TMEM41B: variants seen among roughly 807,000 people sequenced by gnomAD.
TMEM41B encodes the protein transmembrane protein 41B.
A neutral mutation model predicts 31.9 loss-of-function variants in TMEM41B; 18 were observed. The observed-to-expected ratio is 0.56, with a 90% CI of 0.39 to 0.84. TMEM41B has a LOEUF of 0.84. TMEM41B is among the 40% of genes least tolerant of loss of function. The pLI, the probability that TMEM41B is intolerant of heterozygous loss-of-function variation, is 0.00. For synonymous variants in TMEM41B, 144 were observed against 124.3 expected (o/e 1.16, Z -1.05); for missense variants, 322 against 348.0 (o/e 0.93, Z 0.59).
At chr11:9,293,505 C>T (rs1853005738) in intron 3 of TMEM41B, among the ~76,000 whole-genome samples, 1 of 152,170 alleles carries the variant, frequency 6.6e-6, no homozygotes, top group Admixed American at 6.5e-5. Flanking sequence ...TACTATTTTG[C>T]CCTTTGTTCT....
intron 1 of TMEM41B, among the ~76,000 whole-genome samples, chr11:9,308,045 T>C (rs1193800364): frequency 6.6e-6 from 1 of 150,890 alleles, no homozygotes; most frequent in East Asian, 2.0e-4. Flanking sequence ...CTTAAAATCA[T>C]TTTTTAAAAA....
chr11:9,288,317 T>G (rs2133612641), intron 4 of TMEM41B, 125 bp downstream of exon 4: 1 of 660,814 alleles, frequency 1.5e-6, no homozygotes, highest in South Asian at 2.8e-5. Context: ...TGGAGGGACT[T>G]TAACATTAAC....
At chr11:9,285,369 C>G (rs1263428467) in intron 6 of TMEM41B, among the ~76,000 whole-genome samples, 1 of 152,138 alleles carries the variant, frequency 6.6e-6, no homozygotes, top group Non-Finnish European at 1.5e-5. Context: ...AGGCGTGAAC[C>G]ACCGCGCCCG....
chr11:9,291,568 ATTT>A (rs1312615801), intron 3 of TMEM41B, among the ~76,000 whole-genome samples: 1 of 150,672 alleles, frequency 6.6e-6, no homozygotes, highest in African/African-American at 2.4e-5. Context: ...CGCCCAGCTA[ATTT>A]TTTTTATTTT....
rs1158658244 is a variant in TMEM41B at position 9,282,040 on chromosome 11, C to G, written c.*1384G>C. 6.6e-6 allele frequency: 1 copy of G among 152,066 alleles called. No homozygotes were observed. Among genetic ancestry groups the G allele is most frequent in the Admixed American group, 6.6e-5 (1 of 15,258 alleles). The allele number at this position is 152,066 out of a possible 1,614,324, so 9.4% of individuals were successfully genotyped here. A position where few individuals can be genotyped will look rare whatever the true frequency, so the allele number is the denominator to read the frequency against. ...CTTGAATGTTTGCTTTTTAGAGCCCCTTGTGGGATATTAAAGAGCCATAAC... is the reference window on the plus strand; with the variant it reads ...CTTGAATGTTTGCTTTTTAGAGCCCGTTGTGGGATATTAAAGAGCCATAAC... On this transcript the variant is annotated 3_prime_UTR_variant, in exon 7 of 7. Coordinates refer to ENST00000528080, the MANE Select transcript of TMEM41B (RefSeq NM_015012.4).
rs1852772751 is a variant in TMEM41B, at chr11:9,283,661, G to C, written c.707-68C>G. On this transcript the variant is annotated intron_variant, in intron 6 of 6. Transcript: ENST00000528080. The stretch of plus-strand genomic sequence containing the variant: ...TGTTTTTAAAAAATTAAAATGTTCT[G>C]TGTGCATAAAGTTTCTTAAAACAAC... 18 of 1,388,136 alleles carry C rather than the reference G, an allele frequency of 1.3e-5. No individual in the cohort carries two copies. The South Asian group carries it at 2.0e-4, about 16-fold the overall frequency. The allele number at this position is 1,388,136 out of a possible 1,614,324, so 86.0% of individuals were successfully genotyped here. A position where few individuals can be genotyped will look rare whatever the true frequency, so the allele number is the denominator to read the frequency against.
chr11:9,308,578 G>T (rs557130700), intron 1 of TMEM41B, among the ~76,000 whole-genome samples: 49 of 152,188 alleles, frequency 3.2e-4, no homozygotes, highest in Admixed American at 1.6e-3. Flanking sequence ...CCAAAAATCA[G>T]CACTACAAAT....
chr11:9,306,449 G>A (rs1440069312), intron 1 of TMEM41B, among the ~76,000 whole-genome samples: 3 of 151,942 alleles, frequency 2.0e-5, no homozygotes, highest in South Asian at 4.2e-4. Context: ...TTGGGAGGTC[G>A]AGGCGGTCGG....
intron 1 of TMEM41B, chr11:9,311,706 C>T: frequency 1.3e-6 from 1 of 754,554 alleles, no homozygotes; most frequent in Non-Finnish European, 2.4e-6. Flanking sequence ...GTGTGTCCTC[C>T]AGCCTTTCCA....
intron 5 of TMEM41B, 146 bp downstream of exon 5, chr11:9,287,556 G>T: frequency 3.8e-6 from 2 of 532,724 alleles, no homozygotes; most frequent in Non-Finnish European, 6.4e-6. Flanking sequence ...ATTTTTATTT[G>T]GTCAGAAGAT....
chr11:9,296,754 TCAAA>T (rs1447406714), intron 2 of TMEM41B, among the ~76,000 whole-genome samples: 2 of 152,162 alleles, frequency 1.3e-5, no homozygotes. Context: ...AATTCACAGT[TCAAA>T]CATTTTCTTG....
At chr11:9,294,424 G>A (rs952224889) in intron 3 of TMEM41B, among the ~76,000 whole-genome samples, 4 of 151,678 alleles carry the variant, frequency 2.6e-5, no homozygotes, top group African/African-American at 9.7e-5. Context: ...GAACCTAGGA[G>A]GTGGAGGTTG....
intron 3 of TMEM41B, among the ~76,000 whole-genome samples, chr11:9,292,676 A>T (rs1256931959): frequency 6.6e-6 from 1 of 151,940 alleles, no homozygotes; most frequent in South Asian, 2.1e-4. Flanking sequence ...ACAAAAAAAT[A>T]CATGAAGAGA....
rs72850544 is a variant in TMEM41B at position 9,314,546 on chromosome 11, C to T, written c.-105G>A. 0.18 allele frequency: 248,676 copies of T among 1,420,516 alleles called. 23,921 individuals are homozygous for T. The highest frequency in any genetic ancestry group is 0.2 in the Non-Finnish European group (212,517 of 1,081,556). 88.0% of individuals were successfully genotyped at this position (1,420,516 alleles called of 1,614,324 possible). A position where few individuals can be genotyped will look rare whatever the true frequency, so the allele number is the denominator to read the frequency against. ...CGAAGCGCCACGGCTAGAGCCACTT[C>T]CGGCGCGACCTCCTCACCCGAGACG... On this transcript the variant is annotated 5_prime_UTR_variant, in exon 1 of 7. Coordinates refer to ENST00000528080, the MANE Select transcript of TMEM41B (RefSeq NM_015012.4).
At chr11:9,311,569 A>C in intron 1 of TMEM41B, 1 of 1,113,440 alleles carries the variant, frequency 9.0e-7, no homozygotes, top group Non-Finnish European at 1.3e-6. Context: ...GGAGGAGGAC[A>C]GGGGCCTGGG....
intron 1 of TMEM41B, among the ~76,000 whole-genome samples, chr11:9,300,546 T>C (rs115634912): frequency 0.011 from 1,625 of 152,272 alleles, 29 homozygotes; most frequent in African/African-American, 0.036. Context: ...AGAATATTTA[T>C]AGTCCCTCAA....
intron 1 of TMEM41B, among the ~76,000 whole-genome samples, chr11:9,303,950 G>A (rs532116628): frequency 3.5e-4 from 53 of 152,270 alleles, no homozygotes; most frequent in South Asian, 1.5e-3. Flanking sequence ...TTACAGGCGT[G>A]AGCCACCACG....
At chr11:9,299,479 T>C in intron 2 of TMEM41B, 105 bp downstream of exon 2, 1 of 772,920 alleles carries the variant, frequency 1.3e-6, no homozygotes, top group Non-Finnish European at 2.1e-6. Context: ...CACCTCGGCC[T>C]CCCAAAGTGT....
intron 6 of TMEM41B, among the ~76,000 whole-genome samples, chr11:9,284,555 G>C (rs916484196): frequency 1.3e-5 from 2 of 152,084 alleles, no homozygotes; most frequent in African/African-American, 4.8e-5. Flanking sequence ...CTGAGGTCAG[G>C]AGTTTGAGAC....
Sources: gnomAD v4.1 joint callset for allele counts (sites outside exome capture counted in the v4.1 genomes callset) on GRCh38, gnomAD v4.1.1 for gene constraint, MANE v1.5 for transcripts, NCBI Gene and HGNC (gene_info 2026-07-23, HGNC 2026-07-21) for gene names.